Variants in PRR16 observed in about 807,000 individuals in gnomAD.
PRR16 encodes protein Largen.
A neutral mutation model predicts 18.2 loss-of-function variants in PRR16; 6 were observed. The observed-to-expected ratio is 0.33, with a 90% confidence interval of 0.18 to 0.65. The LOEUF (loss-of-function observed/expected upper bound fraction) is 0.65, where lower values mean the gene tolerates loss of function less well. PRR16 is among the 30% of genes least tolerant of loss of function. The pLI, the probability that PRR16 is intolerant of heterozygous loss-of-function variation, is 0.74. For missense variants in PRR16, 412 were observed against 376.6 expected, an observed-to-expected ratio of 1.09 and a Z score of -0.78; for synonymous variants, 151 against 147.8, an observed-to-expected ratio of 1.02 and a Z score of -0.16.
At chr5:120,570,227 A>T (rs1752863483) in intron 1 of PRR16, among the ~76,000 whole-genome samples, 1 of 152,148 alleles carries the variant, frequency 6.6e-6, no homozygotes, top group Non-Finnish European at 1.5e-5. Flanking sequence ...TCCCTGAACC[A>T]GTGATACCTG....
the PRR16 span, among the ~76,000 whole-genome samples, chr5:120,757,813 A>G: frequency 6.0e-5 from 8 of 133,070 alleles, no homozygotes; most frequent in African/African-American, 2.0e-4. Flanking sequence ...AGTGACTGAT[A>G]TACTCAAAAT....
intron 1 of PRR16, among the ~76,000 whole-genome samples, chr5:120,511,532 G>T (rs1442756190): frequency 1.3e-5 from 2 of 152,176 alleles, no homozygotes; most frequent in African/African-American, 2.4e-5. Flanking sequence ...CAGAGGGAAA[G>T]CTTATCTCCC....
At chr5:120,497,719 C>T (rs1041695493) in intron 1 of PRR16, among the ~76,000 whole-genome samples, 1 of 151,796 alleles carries the variant, frequency 6.6e-6, no homozygotes, top group African/African-American at 2.4e-5. Flanking sequence ...TAATATTTGT[C>T]TCTCCTCAGA....
rs1749014050 is a variant in PRR16, at chr5:120,464,576, C to G, written c.90C>G (p.Ile30Met). The G allele has an allele frequency of 6.3e-7, 1 of 1,587,716 alleles. No individual in the cohort carries two copies. The highest frequency in any genetic ancestry group is 1.7e-5 in the Admixed American group (1 of 58,334). Residue 30 changes from isoleucine to methionine, a missense_variant, in exon 1 of 2, where the codon ATC becomes ATG. Ile to Met is a conservative substitution (Grantham distance 10). Coordinates refer to ENST00000407149, the MANE Select transcript of PRR16 (RefSeq NM_001300783.2). ...CCAAAACCAAGGTGAAGGAACAGAT[C>G]AAGATCATCGTGGAGGATTTGGAAT... is the stretch of plus-strand genomic sequence containing the variant. ...AASKTKVKEQ[I>M]KIIVEDLELV...
intron 1 of PRR16, among the ~76,000 whole-genome samples, chr5:120,561,442 A>G (rs1462046226): frequency 6.6e-6 from 1 of 152,030 alleles, no homozygotes; most frequent in East Asian, 1.9e-4. Flanking sequence ...AATCTTTTTA[A>G]TGATTTCCAG....
At chr5:120,669,296 G>T (rs1263397339) in intron 1 of PRR16, among the ~76,000 whole-genome samples, 1 of 151,978 alleles carries the variant, frequency 6.6e-6, no homozygotes, top group African/African-American at 2.4e-5. Context: ...GGCAATATGA[G>T]GCCCTCACAC....
chr5:120,497,228 G>T lies in PRR16; in HGVS notation c.159+32583G>T, dbSNP rs1433567791. On this transcript the variant is annotated intron_variant, in intron 1 of 1. Transcript: ENST00000407149. ...ATTGATTAGATTCTATTGGCTCATG[G>T]TACTGTTTACTTCTTCTGTATCCTT... Among the ~76,000 whole-genome samples, 4 of 151,786 alleles carry T rather than the reference G, an allele frequency of 2.6e-5. No homozygotes were observed. The East Asian group carries it at 5.8e-4, about 22-fold the overall frequency.
At chr5:120,659,228 T>C (rs1756093089) in intron 1 of PRR16, among the ~76,000 whole-genome samples, 2 of 152,140 alleles carry the variant, frequency 1.3e-5, no homozygotes, top group Middle Eastern at 3.4e-3. Flanking sequence ...ATCCTTTATT[T>C]TTATTCTATT....
chr5:120,757,447 A>C, the PRR16 span, among the ~76,000 whole-genome samples: 1 of 151,988 alleles, frequency 6.6e-6, no homozygotes, highest in Non-Finnish European at 1.5e-5. Flanking sequence ...CCATTCCATG[A>C]GTATGGAATG....
At chr5:120,717,344 C>G in the PRR16 span, among the ~76,000 whole-genome samples, 1 of 152,186 alleles carries the variant, frequency 6.6e-6, no homozygotes, top group East Asian at 1.9e-4. Context: ...TTTATAGTTG[C>G]ATATATTTTA....
chr5:120,634,748 G>T (rs758486620), intron 1 of PRR16, among the ~76,000 whole-genome samples: 1 of 151,982 alleles, frequency 6.6e-6, no homozygotes, highest in Non-Finnish European at 1.5e-5. Context: ...CAGAAGAAAA[G>T]AAATAACAAA....
At chr5:120,586,438 A>G (rs1207410345) in intron 1 of PRR16, among the ~76,000 whole-genome samples, 1 of 152,248 alleles carries the variant, frequency 6.6e-6, no homozygotes, top group East Asian at 1.9e-4. Flanking sequence ...GTTTTTCACC[A>G]ATTGAAGGTT....
chr5:120,571,155 C>T (rs184224628), intron 1 of PRR16, among the ~76,000 whole-genome samples: 110 of 152,188 alleles, frequency 7.2e-4, no homozygotes, highest in Admixed American at 1.8e-3. Flanking sequence ...CCTGTAAAAA[C>T]TTATAAAACT....
At chr5:120,661,032 C>A (rs1019988030) in intron 1 of PRR16, among the ~76,000 whole-genome samples, 5 of 151,998 alleles carry the variant, frequency 3.3e-5, no homozygotes, top group African/African-American at 1.2e-4. Context: ...GATAACTTGG[C>A]AATTTTAAAG....
At chr5:120,681,935 A>G (rs1230098439) in intron 1 of PRR16, among the ~76,000 whole-genome samples, 2 of 151,928 alleles carry the variant, frequency 1.3e-5, no homozygotes, top group Non-Finnish European at 2.9e-5. Flanking sequence ...GTTTGTTTAT[A>G]TTTTCTTGTT....
intron 1 of PRR16, among the ~76,000 whole-genome samples, chr5:120,537,225 CAGA>C (rs1751747056): frequency 6.6e-6 from 1 of 152,080 alleles, no homozygotes; most frequent in African/African-American, 2.4e-5. Flanking sequence ...ATAAAAATCC[CAGA>C]AGAACATTCA....
chr5:120,720,758 C>A, the PRR16 span, among the ~76,000 whole-genome samples: 7,337 of 152,036 alleles, frequency 0.048, 609 homozygotes, highest in African/African-American at 0.17. Context: ...ATATTTAAGG[C>A]AAATGTTTTC....
intron 1 of PRR16, among the ~76,000 whole-genome samples, chr5:120,544,289 A>T (rs1483619156): frequency 1.3e-5 from 2 of 152,202 alleles, no homozygotes; most frequent in Non-Finnish European, 2.9e-5. Context: ...AAGGCTATTT[A>T]TGTGAACTCT....
intron 1 of PRR16, among the ~76,000 whole-genome samples, chr5:120,619,357 C>G (rs1754614468): frequency 6.6e-6 from 1 of 151,972 alleles, no homozygotes; most frequent in South Asian, 2.1e-4. Flanking sequence ...ATAAAGTTGA[C>G]TAGGAAAAAT....
Sources: gnomAD v4.1 joint callset for allele counts (sites outside exome capture counted in the v4.1 genomes callset) on GRCh38, gnomAD v4.1.1 for gene constraint, MANE v1.5 for transcripts, NCBI Gene and HGNC (gene_info 2026-07-23, HGNC 2026-07-21) for gene names.